The following ARHGAP28 variants were observed in gnomAD, a reference collection of about 807,000 sequenced individuals.
The protein encoded by ARHGAP28 is Rho GTPase activating protein 28, also known as rho GTPase-activating protein 28.
In ARHGAP28, 56 loss-of-function variants were observed where a neutral mutation model predicts 90.7. The ratio of observed to expected loss-of-function variants is 0.62; its 90% CI spans 0.50 to 0.77. The LOEUF is 0.77. Among genes scored for constraint, ARHGAP28 ranks in the 30% least tolerant of loss-of-function variants. The pLI is 0.00. For missense variants in ARHGAP28, 869 were observed against 900.9 expected (o/e 0.96, Z 0.45); for synonymous variants, 308 against 323.3 (o/e 0.95, Z 0.51).
intron 1 of ARHGAP28, among the ~76,000 whole-genome samples, chr18:6,804,998 T>C (rs1398636203): frequency 6.6e-6 from 1 of 152,214 alleles, no homozygotes; most frequent in Non-Finnish European, 1.5e-5. Flanking sequence ...TACTTATTAT[T>C]TATATTTTTA....
chr18:6,803,973 GT>G, intron 1 of ARHGAP28, among the ~76,000 whole-genome samples: 1 of 152,080 alleles, frequency 6.6e-6, no homozygotes, highest in East Asian at 1.9e-4. Flanking sequence ...TAGAGATGGG[GT>G]TTCACCGTAT....
intron 14 of ARHGAP28, among the ~76,000 whole-genome samples, chr18:6,891,986 A>C (rs576509200): frequency 6.6e-6 from 1 of 152,290 alleles, no homozygotes; most frequent in African/African-American, 2.4e-5. Flanking sequence ...GTGAGGCAGG[A>C]GGGAGTGTTG....
intron 5 of ARHGAP28, among the ~76,000 whole-genome samples, chr18:6,861,442 TGATTTAAAA>T (rs1320766059): frequency 6.6e-6 from 1 of 152,182 alleles, no homozygotes; most frequent in Non-Finnish European, 1.5e-5. Context: ...CTCAAGTCAT[TGATTTAAAA>T]TACAAGTCTC....
At chr18:6,769,905 G>A (rs1171148877) in intron 1 of ARHGAP28, among the ~76,000 whole-genome samples, 2 of 152,082 alleles carry the variant, frequency 1.3e-5, no homozygotes, top group Non-Finnish European at 2.9e-5. Flanking sequence ...TATTTATTTT[G>A]GAAAACAAAT....
chr18:6,756,326 C>T (rs554908059), intron 1 of ARHGAP28, among the ~76,000 whole-genome samples: 7 of 152,214 alleles, frequency 4.6e-5, no homozygotes, highest in African/African-American at 1.7e-4. Context: ...ATCTCCATCC[C>T]TTTCAGGTGT....
chr18:6,897,895 T>TAC (rs35214887), intron 16 of ARHGAP28: 36,359 of 151,604 alleles, frequency 0.24, 4,696 homozygotes, highest in Non-Finnish European at 0.29. Flanking sequence ...CTGAAATTAA[T>TAC]ACACACACAC....
intron 1 of ARHGAP28, among the ~76,000 whole-genome samples, chr18:6,779,425 T>G (rs942466946): frequency 2.0e-5 from 3 of 152,222 alleles, no homozygotes; most frequent in Admixed American, 6.5e-5. Context: ...TTTATCACAT[T>G]TCCTTGGGCA....
intron 16 of ARHGAP28, among the ~76,000 whole-genome samples, chr18:6,906,579 AAAAT>A (rs986299802): frequency 2.6e-5 from 4 of 152,308 alleles, no homozygotes; most frequent in South Asian, 2.1e-4. Context: ...CCATAGGCAA[AAAAT>A]AAATAAATAA....
chr18:6,761,676 C>G (rs1163462819), intron 1 of ARHGAP28, among the ~76,000 whole-genome samples: 2 of 152,206 alleles, frequency 1.3e-5, no homozygotes, highest in Non-Finnish European at 2.9e-5. Flanking sequence ...GCCAACAAGC[C>G]AAGCATTGTT....
intron 2 of ARHGAP28, among the ~76,000 whole-genome samples, chr18:6,826,117 G>GTTTTTTTTT (rs35995654): frequency 1.4e-5 from 2 of 138,476 alleles, no homozygotes; most frequent in Admixed American, 7.2e-5. Flanking sequence ...CATTGCCAGT[G>GTTTTTTTTT]TTTTTTTTTT....
chr18:6,887,449 GAGAC>G (rs749147887), intron 12 of ARHGAP28, among the ~76,000 whole-genome samples: 16 of 124,272 alleles, frequency 1.3e-4, no homozygotes, highest in Non-Finnish European at 2.5e-4. Flanking sequence ...TTTTTTTTGA[GAGAC>G]AGAGTTTTGC....
At chr18:6,885,133 C>T (rs1207395308) in intron 11 of ARHGAP28, among the ~76,000 whole-genome samples, 2 of 152,196 alleles carry the variant, frequency 1.3e-5, no homozygotes, top group Admixed American at 6.5e-5. Flanking sequence ...ACAGCCAGTA[C>T]ATTTCACTGA....
chr18:6,877,440 C>T (rs1302552974), intron 10 of ARHGAP28, among the ~76,000 whole-genome samples: 1 of 152,226 alleles, frequency 6.6e-6, no homozygotes, highest in Non-Finnish European at 1.5e-5. Context: ...CCATGCCTCA[C>T]CCCGTCGTGG....
intron 16 of ARHGAP28, among the ~76,000 whole-genome samples, chr18:6,901,001 T>G (rs891248298): frequency 6.6e-5 from 10 of 152,170 alleles, no homozygotes; most frequent in African/African-American, 1.9e-4. Context: ...TGTCAAGTAC[T>G]TAAAGGAAAG....
chr18:6,769,744 T>C (rs1454667846), intron 1 of ARHGAP28, among the ~76,000 whole-genome samples: 1 of 152,248 alleles, frequency 6.6e-6, no homozygotes, highest in Non-Finnish European at 1.5e-5. Context: ...ACCTTTGTAC[T>C]ACAGCTATTT....
chr18:6,830,947 T>C (rs2056710554), intron 2 of ARHGAP28, among the ~76,000 whole-genome samples: 1 of 152,202 alleles, frequency 6.6e-6, no homozygotes, highest in Non-Finnish European at 1.5e-5. Flanking sequence ...ATGTTTTTAT[T>C]TCTCTTGGAT....
At chr18:6,881,659 C>T (rs2057179211) in intron 10 of ARHGAP28, among the ~76,000 whole-genome samples, 3 of 152,102 alleles carry the variant, frequency 2.0e-5, no homozygotes, top group Non-Finnish European at 4.4e-5. Context: ...CATGTTGCAG[C>T]GAGGTCAGAG....
Position 6,762,092 on chromosome 18 carries a change from C to A in ARHGAP28, c.122+32149C>A, listed in dbSNP as rs558679937. Among the ~76,000 whole-genome samples, 5 of 152,316 alleles carry A rather than the reference C, an allele frequency of 3.3e-5. No homozygotes were observed. In the South Asian group the frequency reaches 1.0e-3, roughly 32 times the overall value. The stretch of plus-strand genomic sequence containing the variant: ...CTTTTCTCCTTCCCTCTACCAATCA[C>A]CCCATTGATTAGCTTTCCAGTGTGT... On this transcript the variant is annotated intron_variant, in intron 1 of 17. Transcript: ENST00000383472.
chr18:6,850,515 C>T (rs2056901557), intron 3 of ARHGAP28, among the ~76,000 whole-genome samples: 1 of 152,304 alleles, frequency 6.6e-6, no homozygotes. Flanking sequence ...TTCTTCTTTC[C>T]ATTCTGCCAC....
Sources: gnomAD v4.1 joint callset for allele counts (sites outside exome capture counted in the v4.1 genomes callset) on GRCh38, gnomAD v4.1.1 for gene constraint, MANE v1.5 for transcripts, NCBI Gene and HGNC (gene_info 2026-07-23, HGNC 2026-07-21) for gene names.